Variants in RIMBP2 observed in about 807,000 individuals in gnomAD.
RIMBP2 encodes the protein RIMS-binding protein 2.
A neutral mutation model predicts 118.6 loss-of-function variants in RIMBP2; 48 were observed. That is an observed-to-expected ratio of 0.40 (90% CI 0.32 to 0.51). RIMBP2 has a LOEUF of 0.51. Ranked by LOEUF, RIMBP2 falls within the 20% of genes least tolerant of loss-of-function variation. The pLI is 0.41. For synonymous variants in RIMBP2, 762 were observed against 742.9 expected, an observed-to-expected ratio of 1.03 and a Z score of -0.42; for missense variants, 1,551 against 1,768.3, an observed-to-expected ratio of 0.88 and a Z score of 2.20.
At chr12:130,410,576 T>C (rs2075634155) in intron 19 of RIMBP2, among the ~76,000 whole-genome samples, 1 of 152,242 alleles carries the variant, frequency 6.6e-6, no homozygotes, top group South Asian at 2.1e-4. Context: ...TTTTGGCATA[T>C]GGATGTGCAG....
chr12:130,699,904 TAAA>T (rs33963621), intron 1 of RIMBP2, among the ~76,000 whole-genome samples: 5,287 of 85,566 alleles, frequency 0.062, 451 homozygotes, highest in African/African-American at 0.19. Context: ...GACTCTGTCT[TAAA>T]AAAAAAAAAA....
At chr12:130,649,048 T>C (rs1432520666) in intron 1 of RIMBP2, among the ~76,000 whole-genome samples, 2 of 145,916 alleles carry the variant, frequency 1.4e-5, no homozygotes, top group African/African-American at 2.5e-5. Context: ...AATGACCTCC[T>C]GACTCAGAGG....
Position 130,470,719 on chromosome 12 carries a change from G to C in RIMBP2, c.127C>G (p.His43Asp). The C allele has an allele frequency of 8.1e-7, 1 of 1,231,956 alleles. No individual in the cohort carries two copies. Among genetic ancestry groups the C allele is most frequent in the Non-Finnish European group, 1.0e-6 (1 of 987,902 alleles). The allele number at this position is 1,231,956 out of a possible 1,614,324, so 76.3% of individuals were successfully genotyped here. A position where few individuals can be genotyped will look rare whatever the true frequency, so the allele number is the denominator to read the frequency against. The change falls in exon 6 of 23, where the codon CAT becomes GAT. Residue 43 changes from histidine (H) to aspartate (D), a missense_variant. Physicochemically the swap from His to Asp is moderately conservative, Grantham distance 81. This residue lies in a region of RIMBP2 where 239 missense variants were observed against 256.8 expected (regional missense o/e 0.93). Transcript: ENST00000690449. ...QKAQVEAKKE[H>D]EGAVRLLESK... Reference sequence around the variant, plus strand: ...TCTAGCAGCCGCACTGCGCCTTCATGCTCCTTCTTAGCCTCAACCTGAGCC... The same window carrying C: ...TCTAGCAGCCGCACTGCGCCTTCATCCTCCTTCTTAGCCTCAACCTGAGCC...
chr12:130,403,832 C>G (rs1447536100), intron 21 of RIMBP2, among the ~76,000 whole-genome samples: 1 of 151,986 alleles, frequency 6.6e-6, no homozygotes, highest in Non-Finnish European at 1.5e-5. Flanking sequence ...ACTTCCAGTG[C>G]CTTAAAAATA....
chr12:130,411,488 C>T (rs564110113), intron 19 of RIMBP2, among the ~76,000 whole-genome samples: 5 of 152,232 alleles, frequency 3.3e-5, no homozygotes, highest in Admixed American at 6.5e-5. Flanking sequence ...TCTGGCAATG[C>T]GGCAGGGGGC....
intron 10 of RIMBP2, among the ~76,000 whole-genome samples, chr12:130,444,339 G>A (rs1019658711): frequency 6.6e-6 from 1 of 152,030 alleles, no homozygotes; most frequent in Admixed American, 6.6e-5. Flanking sequence ...GAAGTGACCC[G>A]ACCTCACCCC....
chr12:130,565,298 C>T (rs1483880429), intron 2 of RIMBP2, among the ~76,000 whole-genome samples: 1 of 152,054 alleles, frequency 6.6e-6, no homozygotes, highest in Non-Finnish European at 1.5e-5. Context: ...GAACTCAACC[C>T]TTGCTGGTAG....
At position 130,442,412 on chromosome 12, in the gene RIMBP2, C is replaced by A. The variant is rs373700767; in HGVS notation, c.940G>T (p.Val314Leu). ...VNIDDIGEDI[V>L]PYPRKITLIK... ...AGGGTGATTTTTCTAGGGTAAGGCA[C>A]GATGTCTTCTCCGATGTCGTCGATG... is the stretch of plus-strand genomic sequence containing the variant. Residue 314 changes from valine (V) to leucine (L), a missense_variant, in exon 11 of 23, where the codon GTG becomes TTG. Around this residue, in one of 5 missense-constraint regions of RIMBP2, gnomAD observed 265 missense variants for 349.5 expected, o/e 0.76. Coordinates refer to ENST00000690449, the MANE Select transcript of RIMBP2 (RefSeq NM_001393629.1). The surrounding 1 kb of genome is among the most constrained non-coding windows in gnomAD (Gnocchi z 6.9). 1 of 1,614,104 alleles carries A rather than the reference C, an allele frequency of 6.2e-7. No individual in the cohort carries two copies. Among genetic ancestry groups the A allele is most frequent in the Non-Finnish European group, 8.5e-7 (1 of 1,180,020 alleles).
intron 2 of RIMBP2, among the ~76,000 whole-genome samples, chr12:130,610,266 T>TG (rs2060444983): frequency 6.6e-6 from 1 of 152,150 alleles, no homozygotes; most frequent in South Asian, 2.1e-4. Flanking sequence ...CCTCCCGTTC[T>TG]GGGGCCTCTG....
rs989506338 is a variant in RIMBP2 at position 130,469,808 on chromosome 12, C to T, written c.153+885G>A. On this transcript the variant is annotated intron_variant, in intron 6 of 22. Transcript: ENST00000690449. This position sits in a 1 kb window ranked among gnomAD's most constrained non-coding sequence, Gnocchi z 4.8. ...TTGGCCTCACTTAAGGGAACATTAC[C>T]GGGAGGACGCCACCCCAGGGCAGAT... 1.3e-5 allele frequency among the ~76,000 whole-genome samples: 2 copies of T among 152,186 alleles called. No individual in the cohort carries two copies. Among genetic ancestry groups the T allele is most frequent in the African/African-American group, 4.8e-5 (2 of 41,438 alleles).
chr12:130,417,541 G>A (rs1018912856), intron 17 of RIMBP2, among the ~76,000 whole-genome samples: 6 of 152,114 alleles, frequency 3.9e-5, no homozygotes, highest in Admixed American at 1.3e-4. Flanking sequence ...ACATAGACAC[G>A]AAGATGGGAA....
intron 2 of RIMBP2, among the ~76,000 whole-genome samples, chr12:130,615,112 T>C (rs2060818784): frequency 1.4e-5 from 2 of 147,472 alleles, no homozygotes; most frequent in South Asian, 2.1e-4. Context: ...ATTATGTATA[T>C]ATACATATGT....
At position 130,585,132 on chromosome 12, in the gene RIMBP2, C is replaced by A. The variant is rs1293603535; in HGVS notation, c.-217+43190G>T. On this transcript the variant is annotated intron_variant, in intron 2 of 22. Transcript: ENST00000690449. ...CTCGAACTCCTGGGCTCAAGTGATC[C>A]TCTTGACTTGGCCTCTGAAAGTGAG... Among the ~76,000 whole-genome samples, 3 of 152,276 alleles carry A rather than the reference C, an allele frequency of 2.0e-5. No homozygotes were observed. In the East Asian group the frequency reaches 5.8e-4, roughly 29 times the overall value.
chr12:130,567,673 C>A (rs1030326099), intron 2 of RIMBP2, among the ~76,000 whole-genome samples: 1 of 152,202 alleles, frequency 6.6e-6, no homozygotes, highest in South Asian at 2.1e-4. Context: ...CATCACATAT[C>A]CCCCTGGGCA....
chr12:130,650,973 A>AGAAAAAG (rs1555318468), intron 1 of RIMBP2, among the ~76,000 whole-genome samples: 2 of 143,216 alleles, frequency 1.4e-5, no homozygotes, highest in Non-Finnish European at 3.1e-5. Context: ...AAAAAAAAAA[A>AGAAAAAG]AAAGAAAGAA....
intron 2 of RIMBP2, among the ~76,000 whole-genome samples, chr12:130,585,776 G>A (rs748783198): frequency 2.0e-5 from 3 of 152,172 alleles, no homozygotes; most frequent in Admixed American, 6.5e-5. Context: ...AGTAGGTGAC[G>A]TGGTCACAGT....
chr12:130,692,208 A>G (rs1483818641), intron 1 of RIMBP2, among the ~76,000 whole-genome samples: 2 of 152,070 alleles, frequency 1.3e-5, no homozygotes, highest in Non-Finnish European at 2.9e-5. Flanking sequence ...CAGAAGTGGG[A>G]CAGAAGGAGA....
intron 11 of RIMBP2, among the ~76,000 whole-genome samples, chr12:130,439,433 G>A (rs1451029646): frequency 1.2e-4 from 18 of 144,892 alleles, no homozygotes; most frequent in African/African-American, 4.3e-4. Flanking sequence ...ATATGTGTAT[G>A]TGGGTGTGTG....
rs1447788776 is a variant in RIMBP2, at chr12:130,424,223, C to G, written c.3048G>C (p.Trp1016Cys). 8.1e-7 allele frequency: 1 copy of G among 1,231,932 alleles called. No individual in the cohort carries two copies. The highest frequency in any genetic ancestry group is 1.0e-6 in the Non-Finnish European group (1 of 987,956). 76.3% of individuals were successfully genotyped at this position (1,231,932 alleles called of 1,614,324 possible). ...PTEHQDFRGVWKKSITMPDSR... is the reference protein window; with the variant it reads ...PTEHQDFRGVCKKSITMPDSR... ...TGTCGGGCATGGTTATGCTTTTCTT[C>G]CAGACACCCCGAAAATCTTGGTGCT... Residue 1016 changes from tryptophan to cysteine, a missense_variant, in exon 16 of 23, where the codon TGG (tryptophan) becomes TGC (cysteine). Coordinates refer to ENST00000690449, the MANE Select transcript of RIMBP2 (RefSeq NM_001393629.1). This position sits in a 1 kb window ranked among gnomAD's most constrained non-coding sequence, Gnocchi z 9.8.
Sources: allele counts gnomAD v4.1 joint callset (sites outside exome capture counted in the v4.1 genomes callset), GRCh38; gene constraint gnomAD v4.1.1; regional missense constraint gnomAD v4.1.1; non-coding constraint Gnocchi (gnomAD v3.1); transcripts MANE v1.5; gene names NCBI Gene and HGNC (gene_info 2026-07-23, HGNC 2026-07-21).